Variants in FILIP1 observed in about 807,000 individuals in gnomAD.
FILIP1 encodes filamin A interacting protein 1, also known as filamin-A-interacting protein 1.
Under a neutral mutation model 102.1 loss-of-function variants are expected in FILIP1, and 61 were observed. The ratio of observed to expected loss-of-function variants is 0.60; its 90% confidence interval spans 0.49 to 0.74. The LOEUF is 0.74. FILIP1 is among the 30% of genes least tolerant of loss of function. The probability of loss-of-function intolerance (pLI) is 0.00; values close to 1 mark genes in which losing one functional copy is unlikely to be tolerated. For synonymous variants in FILIP1, 491 were observed against 526.9 expected (o/e 0.93, Z 0.93); for missense variants, 1,314 against 1,441.2 (o/e 0.91, Z 1.43).
chr6:75,334,193 T>C (rs1774167971), intron 4 of FILIP1, among the ~76,000 whole-genome samples: 1 of 152,192 alleles, frequency 6.6e-6, no homozygotes, highest in Non-Finnish European at 1.5e-5. Flanking sequence ...GTTAAAAGCC[T>C]TCAGAACACA....
intron 6 of FILIP1, among the ~76,000 whole-genome samples, chr6:75,301,041 T>C (rs1222313140): frequency 1.3e-5 from 2 of 152,070 alleles, no homozygotes; most frequent in African/African-American, 2.4e-5. Flanking sequence ...AGGTAAGTAT[T>C]TGAGCAAAGC....
chr6:75,405,478 T>G (rs993724078), intron 2 of FILIP1, among the ~76,000 whole-genome samples: 10 of 152,236 alleles, frequency 6.6e-5, no homozygotes, highest in Admixed American at 2.6e-4. Context: ...AAAGTTTTTC[T>G]AAATTATTTA....
chr6:75,351,854 T>C (rs1582383749), intron 4 of FILIP1, among the ~76,000 whole-genome samples: 2 of 152,238 alleles, frequency 1.3e-5, no homozygotes, highest in Admixed American at 1.3e-4. Context: ...ATCTGTAGCT[T>C]GAGGTTGGAA....
At chr6:75,330,940 T>C (rs1774058452) in intron 4 of FILIP1, among the ~76,000 whole-genome samples, 1 of 152,184 alleles carries the variant, frequency 6.6e-6, no homozygotes. Context: ...TTGTGAAGTT[T>C]AATCCGTAGT....
intron 1 of FILIP1, among the ~76,000 whole-genome samples, chr6:75,475,468 G>T (rs542353403): frequency 6.6e-6 from 1 of 152,054 alleles, no homozygotes; most frequent in Admixed American, 6.5e-5. Context: ...CCCTACAAAG[G>T]ACAGCACAGC....
chr6:75,321,216 T>TTTTTTTGTTTTGTTTTG (rs1773641136), intron 4 of FILIP1, among the ~76,000 whole-genome samples: 2 of 152,032 alleles, frequency 1.3e-5, no homozygotes, highest in African/African-American at 4.8e-5. Context: ...ACTGTTGTCG[T>TTTTTTTGTTTTGTTTTG]TTTTTTGTTT....
At chr6:75,304,811 G>T (rs1298723372), downstream of FILIP1, among the ~76,000 whole-genome samples, 2 of 152,306 alleles carry the variant, frequency 1.3e-5, no homozygotes, top group East Asian at 3.9e-4. Context: ...AAAACTGTGG[G>T]CTCAGGGAAG....
chr6:75,434,867 T>C (rs1447692646), intron 1 of FILIP1, among the ~76,000 whole-genome samples: 8 of 152,262 alleles, frequency 5.3e-5, no homozygotes, highest in African/African-American at 1.9e-4. Context: ...GTCCCATCAA[T>C]ACCTAGTTTG....
intron 1 of FILIP1, among the ~76,000 whole-genome samples, chr6:75,450,698 GTA>G (rs1472599113): frequency 2.0e-5 from 3 of 150,158 alleles, no homozygotes; most frequent in Non-Finnish European, 4.4e-5. Context: ...GCTCATGCCT[GTA>G]ATCTCAGCAT....
chr6:75,477,069 TACTA>T (rs1426355122), intron 1 of FILIP1, among the ~76,000 whole-genome samples: 30 of 152,232 alleles, frequency 2.0e-4, no homozygotes, highest in Non-Finnish European at 1.0e-4. Flanking sequence ...TCCCTGTGAA[TACTA>T]ACTTTTTCTA....
downstream of FILIP1, chr6:75,307,958 T>C (rs1773040642): frequency 1.2e-6 from 1 of 841,008 alleles, no homozygotes; most frequent in African/African-American, 1.8e-5. Context: ...ATTGCACACT[T>C]GAATAGAGCA....
chr6:75,341,773 T>A (rs550955771), intron 4 of FILIP1, among the ~76,000 whole-genome samples: 1 of 152,336 alleles, frequency 6.6e-6, no homozygotes, highest in African/African-American at 2.4e-5. Flanking sequence ...AGTCTACATA[T>A]AATTAAATAC....
At chr6:75,372,625 G>GAAAGAA (rs1475840041) in intron 2 of FILIP1, among the ~76,000 whole-genome samples, 6 of 26,898 alleles carry the variant, frequency 2.2e-4, no homozygotes, top group African/African-American at 1.3e-3. Flanking sequence ...GAAAGAAAAA[G>GAAAGAA]AAAGAAAGAA....
intron 4 of FILIP1, among the ~76,000 whole-genome samples, chr6:75,345,732 C>T (rs1370028696): frequency 6.6e-6 from 1 of 152,132 alleles, no homozygotes; most frequent in Non-Finnish European, 1.5e-5. Context: ...TTTTTGGACA[C>T]CTCTCTCCCA....
intron 1 of FILIP1, among the ~76,000 whole-genome samples, chr6:75,448,091 C>A (rs1392596040): frequency 2.0e-5 from 3 of 152,136 alleles, no homozygotes; most frequent in African/African-American, 7.2e-5. Context: ...TCAAAGATAG[C>A]ATGCCAGACA....
At chr6:75,449,901 AT>A (rs1484156979) in intron 1 of FILIP1, among the ~76,000 whole-genome samples, 28 of 152,292 alleles carry the variant, frequency 1.8e-4, no homozygotes, top group Admixed American at 1.6e-3. Context: ...ATAACTCTGA[AT>A]ACTATGTTGA....
intron 2 of FILIP1, among the ~76,000 whole-genome samples, chr6:75,381,402 G>C (rs1221207392): frequency 1.3e-5 from 2 of 152,028 alleles, no homozygotes; most frequent in Non-Finnish European, 2.9e-5. Flanking sequence ...GCTAATTTTT[G>C]TATTTTTAGT....
intron 4 of FILIP1, among the ~76,000 whole-genome samples, chr6:75,350,048 G>A (rs1774735382): frequency 6.6e-6 from 1 of 152,070 alleles, no homozygotes; most frequent in African/African-American, 2.4e-5. Context: ...CACGGTGGAC[G>A]CCTCAGATCG....
rs191602400 is a variant in FILIP1 at position 75,379,923 on chromosome 6, G to A, written c.277-17006C>T. Among the ~76,000 whole-genome samples, 886 of 152,062 alleles carry A rather than the reference G, an allele frequency of 5.8e-3. 5 individuals are homozygous for A. The highest frequency in any genetic ancestry group is 8.9e-3 in the Non-Finnish European group (603 of 67,974). ...TTGCTATCTTTTAACAGATCTGTTC[G>A]ACTGACTTTGTTTCTTGTCTGTCTC... is the stretch of plus-strand genomic sequence containing the variant. On this transcript the variant is annotated intron_variant, in intron 2 of 5. Coordinates refer to ENST00000237172, the MANE Select transcript of FILIP1 (RefSeq NM_015687.5).
Sources: allele counts gnomAD v4.1 joint callset (sites outside exome capture counted in the v4.1 genomes callset), GRCh38; gene constraint gnomAD v4.1.1; transcripts MANE v1.5; gene names NCBI Gene and HGNC (gene_info 2026-07-23, HGNC 2026-07-21).